TAFA1: variants seen among roughly 807,000 people sequenced by gnomAD.
TAFA1 encodes the protein chemokine-like protein TAFA-1.
A neutral mutation model predicts 18.5 loss-of-function variants in TAFA1; 4 were observed. The ratio of observed to expected loss-of-function variants is 0.22; its 90% CI spans 0.11 to 0.49. TAFA1 has a LOEUF of 0.49. TAFA1 is among the 20% of genes least tolerant of loss of function. TAFA1 has a pLI of 0.98. For missense variants in TAFA1, 147 were observed against 169.0 expected, an observed-to-expected ratio of 0.87 and a Z score of 0.72; for synonymous variants, 56 against 55.2, an observed-to-expected ratio of 1.01 and a Z score of -0.06.
At chr3:67,992,256 A>G in the TAFA1 span, among the ~76,000 whole-genome samples, 1 of 152,154 alleles carries the variant, frequency 6.6e-6, no homozygotes, top group Non-Finnish European at 1.5e-5. Flanking sequence ...AGCATGAGCT[A>G]TTGGGGTTGC....
At chr3:68,304,441 C>T (rs2068369043) in intron 2 of TAFA1, among the ~76,000 whole-genome samples, 1 of 152,106 alleles carries the variant, frequency 6.6e-6, no homozygotes, top group Non-Finnish European at 1.5e-5. Context: ...GAAGATTTTT[C>T]TAAATAATCT....
At chr3:68,486,072 TTTTTA>T (rs1438865835) in intron 3 of TAFA1, among the ~76,000 whole-genome samples, 88 of 127,592 alleles carry the variant, frequency 6.9e-4, no homozygotes, top group East Asian at 1.3e-3. Flanking sequence ...TAAATTTTTA[TTTTTA>T]TTTTATTTTA....
At chr3:68,252,106 G>A (rs1286674902) in intron 2 of TAFA1, among the ~76,000 whole-genome samples, 1 of 152,082 alleles carries the variant, frequency 6.6e-6, no homozygotes, top group African/African-American at 2.4e-5. Context: ...CATAATCTCA[G>A]TTGGCTTGTT....
intron 2 of TAFA1, among the ~76,000 whole-genome samples, chr3:68,351,536 T>C (rs112822245): frequency 3.9e-5 from 6 of 152,204 alleles, no homozygotes; most frequent in African/African-American, 9.6e-5. Flanking sequence ...GTGTATTTTA[T>C]ATATTCATGG....
At chr3:68,065,434 C>A (rs2064660737) in intron 2 of TAFA1, among the ~76,000 whole-genome samples, 2 of 152,120 alleles carry the variant, frequency 1.3e-5, no homozygotes, top group Non-Finnish European at 2.9e-5. Context: ...AAGCACATTA[C>A]AAGGGCACGT....
intron 2 of TAFA1, among the ~76,000 whole-genome samples, chr3:68,322,717 T>A (rs756612994): frequency 1.3e-5 from 2 of 152,030 alleles, no homozygotes; most frequent in Non-Finnish European, 2.9e-5. Flanking sequence ...CCGAGGCAGG[T>A]GGATTACTTG....
chr3:68,013,577 A>G (rs1704513749), intron 2 of TAFA1, among the ~76,000 whole-genome samples: 1 of 152,180 alleles, frequency 6.6e-6, no homozygotes, highest in African/African-American at 2.4e-5. Flanking sequence ...AAATAGGGAA[A>G]GGACTTTTAC....
intron 2 of TAFA1, among the ~76,000 whole-genome samples, chr3:68,394,081 A>G (rs1245705500): frequency 6.6e-6 from 1 of 152,162 alleles, no homozygotes; most frequent in East Asian, 1.9e-4. Flanking sequence ...AAACTCCTTA[A>G]GCCAATAAGC....
At chr3:68,496,601 A>G (rs559027995) in intron 3 of TAFA1, among the ~76,000 whole-genome samples, 1 of 152,308 alleles carries the variant, frequency 6.6e-6, no homozygotes, top group Non-Finnish European at 1.5e-5. Flanking sequence ...ATGACCAAAG[A>G]TGAAATCAAG....
At chr3:68,477,655 A>G (rs2072128185) in intron 3 of TAFA1, among the ~76,000 whole-genome samples, 1 of 152,148 alleles carries the variant, frequency 6.6e-6, no homozygotes, top group African/African-American at 2.4e-5. Context: ...TGCTGGGATT[A>G]CAGGCGTAAA....
At chr3:68,052,008 G>A (rs189797584) in intron 2 of TAFA1, among the ~76,000 whole-genome samples, 123 of 152,178 alleles carry the variant, frequency 8.1e-4, no homozygotes, top group Non-Finnish European at 1.5e-3. Flanking sequence ...TGTAATTTAA[G>A]GAAGTCTTTT....
intron 2 of TAFA1, among the ~76,000 whole-genome samples, chr3:68,409,948 C>G (rs1303027301): frequency 6.6e-6 from 1 of 152,074 alleles, no homozygotes; most frequent in Non-Finnish European, 1.5e-5. Flanking sequence ...CAGTGGGGAC[C>G]CTTTTAAAAG....
At chr3:68,288,327 TAAA>T (rs1478429519) in intron 2 of TAFA1, among the ~76,000 whole-genome samples, 19 of 152,132 alleles carry the variant, frequency 1.2e-4, no homozygotes, top group Non-Finnish European at 2.2e-4. Flanking sequence ...TTTGCTAAGG[TAAA>T]GCTATCCTTG....
intron 2 of TAFA1, among the ~76,000 whole-genome samples, chr3:68,221,524 A>T (rs886987385): frequency 1.3e-5 from 2 of 152,182 alleles, no homozygotes; most frequent in East Asian, 3.9e-4. Context: ...TCACAGACAA[A>T]AAGTTACCTT....
chr3:68,492,233 C>T (rs2072467158), intron 3 of TAFA1, among the ~76,000 whole-genome samples: 1 of 152,156 alleles, frequency 6.6e-6, no homozygotes. Context: ...TAGAAACTCC[C>T]TTTCCCACTG....
At chr3:68,335,258 T>A (rs2068951682) in intron 2 of TAFA1, among the ~76,000 whole-genome samples, 1 of 152,200 alleles carries the variant, frequency 6.6e-6, no homozygotes, top group South Asian at 2.1e-4. Context: ...AACGCTTTTA[T>A]TTAGTAAATG....
chr3:68,149,690 C>A (rs1030257599), intron 2 of TAFA1, among the ~76,000 whole-genome samples: 1 of 152,202 alleles, frequency 6.6e-6, no homozygotes, highest in East Asian at 1.9e-4. Flanking sequence ...CCAAACACCT[C>A]GGATTAGACT....
At chr3:68,296,497 A>T (rs4496488) in intron 2 of TAFA1, among the ~76,000 whole-genome samples, 12,743 of 152,220 alleles carry the variant, frequency 0.084, 923 homozygotes, top group East Asian at 0.35. Context: ...GATAGAATCA[A>T]CTTAATATAT....
chr3:68,129,063 G>A (rs538318739), intron 2 of TAFA1, among the ~76,000 whole-genome samples: 16 of 152,250 alleles, frequency 1.1e-4, no homozygotes, highest in South Asian at 1.0e-3. Context: ...TCAGGAGTTG[G>A]GCTAAGTACT....
Sources: allele counts gnomAD v4.1 joint callset (sites outside exome capture counted in the v4.1 genomes callset), GRCh38; gene constraint gnomAD v4.1.1; transcripts MANE v1.5; gene names NCBI Gene and HGNC (gene_info 2026-07-23, HGNC 2026-07-21).